SYNJ2: variants seen among roughly 807,000 people sequenced by gnomAD.
SYNJ2 encodes the protein polyphosphatidylinositol phosphatase SYNJ2.
Under a neutral mutation model 141.3 loss-of-function variants are expected in SYNJ2, and 116 were observed. The observed-to-expected ratio is 0.82, with a 90% CI of 0.71 to 0.96. The LOEUF (loss-of-function observed/expected upper bound fraction) is 0.96. Among genes scored for constraint, SYNJ2 ranks in the 40% least tolerant of loss-of-function variants. The pLI, the probability that SYNJ2 is intolerant of heterozygous loss-of-function variation, is 0.00. For missense variants in SYNJ2, 1,873 were observed against 1,934.8 expected (o/e 0.97, Z 0.60); for synonymous variants, 745 against 777.7 (o/e 0.96, Z 0.70).
intron 4 of SYNJ2, among the ~76,000 whole-genome samples, chr6:158,041,385 A>G (rs1053067488): frequency 7.2e-5 from 11 of 152,378 alleles, no homozygotes; most frequent in Admixed American, 1.3e-4. Context: ...ATGGAAATGT[A>G]TCACTTGCAT....
At chr6:158,064,467 C>T (rs1488215643) in intron 9 of SYNJ2, 134 bp from the exon 10 acceptor site, 6 of 1,128,258 alleles carry the variant, frequency 5.3e-6, no homozygotes, top group Non-Finnish European at 7.7e-6. Context: ...GGGAACTCCT[C>T]ATCCTCTGGA....
chr6:158,083,727 A>C, intron 21 of SYNJ2, 130 bp downstream of exon 21: 1 of 1,227,110 alleles, frequency 8.1e-7, no homozygotes, highest in South Asian at 1.4e-5. Flanking sequence ...CCTCTGTCCC[A>C]TGTGATGAGC....
intron 18 of SYNJ2, among the ~76,000 whole-genome samples, chr6:158,079,521 C>T (rs1446911223): frequency 2.0e-5 from 3 of 151,908 alleles, no homozygotes; most frequent in East Asian, 1.9e-4. Flanking sequence ...TACAGGCGTG[C>T]ATCACCATGC....
chr6:158,034,630 A>G (rs1463829889), intron 4 of SYNJ2, among the ~76,000 whole-genome samples: 1 of 152,260 alleles, frequency 6.6e-6, no homozygotes, highest in African/African-American at 2.4e-5. Flanking sequence ...GATGGGCAAC[A>G]GCTGCAATTA....
chr6:158,093,390 C>T (rs1017912987), intron 26 of SYNJ2, among the ~76,000 whole-genome samples: 2 of 150,234 alleles, frequency 1.3e-5, no homozygotes, highest in African/African-American at 4.9e-5. Context: ...GAGCCGAAAT[C>T]GTGCCACTGC....
intron 5 of SYNJ2, among the ~76,000 whole-genome samples, chr6:158,048,048 G>A (rs1201682178): frequency 1.3e-5 from 2 of 152,130 alleles, no homozygotes; most frequent in African/African-American, 4.8e-5. Context: ...TAGACTCATC[G>A]TAAATCAGTA....
At chr6:158,029,256 A>G (rs911944358) in intron 3 of SYNJ2, 1 of 494,698 alleles carries the variant, frequency 2.0e-6, no homozygotes, top group African/African-American at 1.9e-5. Context: ...TAGATTTGGA[A>G]AAGAAACCTG....
At position 158,084,683 on chromosome 6, in the gene SYNJ2, A is replaced by T. The variant is rs1236619099; in HGVS notation, c.3208+509A>T. Among the ~76,000 whole-genome samples the T allele has an allele frequency of 6.6e-6, 1 of 152,014 alleles. No individual in the cohort carries two copies. ...AAATTAGCAGGGCATGGTGGTGCAC[A>T]TGCCTGTAATCCCAGCTACTCAGGC... On this transcript the variant is annotated intron_variant, in intron 22 of 26. Coordinates refer to ENST00000355585, the MANE Select transcript of SYNJ2 (RefSeq NM_003898.4). The surrounding 1 kb of genome is among the most constrained non-coding windows in gnomAD (Gnocchi z 5.0).
At chr6:158,034,875 G>A (rs1452329933) in intron 4 of SYNJ2, among the ~76,000 whole-genome samples, 1 of 152,128 alleles carries the variant, frequency 6.6e-6, no homozygotes, top group Non-Finnish European at 1.5e-5. Flanking sequence ...TAAGGAAGGG[G>A]TCCAGTTTCA....
chr6:158,036,873 G>A (rs990817607), intron 4 of SYNJ2, among the ~76,000 whole-genome samples: 1 of 152,142 alleles, frequency 6.6e-6, no homozygotes. Context: ...TGTCTGCATG[G>A]GGAGAGTCCC....
chr6:158,090,733 T>C (rs932143728), intron 25 of SYNJ2, among the ~76,000 whole-genome samples: 1 of 151,744 alleles, frequency 6.6e-6, no homozygotes, highest in Non-Finnish European at 1.5e-5. Flanking sequence ...TCAGTAGAAA[T>C]GTGATTTCAC....
intron 3 of SYNJ2, among the ~76,000 whole-genome samples, chr6:158,029,788 T>C (rs778392222): frequency 2.7e-4 from 41 of 152,232 alleles, no homozygotes; most frequent in Non-Finnish European, 5.3e-4. Context: ...TCTCTGCTGG[T>C]AATAACTCAT....
chr6:158,092,866 G>T, intron 25 of SYNJ2, 60 bp from the exon 26 acceptor site: 1 of 1,471,646 alleles, frequency 6.8e-7, no homozygotes, highest in Non-Finnish European at 9.1e-7. Flanking sequence ...GTCTAAGGAC[G>T]AAATCATGCA....
At chr6:158,074,089 G>A (rs1782115426) in intron 15 of SYNJ2, among the ~76,000 whole-genome samples, 1 of 152,036 alleles carries the variant, frequency 6.6e-6, no homozygotes, top group Admixed American at 6.5e-5. Flanking sequence ...TGGGCTCCTA[G>A]GACTGGGCAG....
At chr6:158,003,427 A>T (rs1330695710) in intron 1 of SYNJ2, among the ~76,000 whole-genome samples, 1 of 152,216 alleles carries the variant, frequency 6.6e-6, no homozygotes, top group African/African-American at 2.4e-5. Context: ...TCCAAAACTG[A>T]TAACTCTGGA....
intron 1 of SYNJ2, among the ~76,000 whole-genome samples, chr6:157,983,776 C>G (rs139315185): frequency 1.3e-5 from 2 of 151,916 alleles, no homozygotes; most frequent in Admixed American, 1.3e-4. Context: ...CATGTGCAGT[C>G]CACATTTGTC....
In SYNJ2 at chr6:158,084,907, AATATC is replaced by A. The variant is rs879846322; in HGVS notation, c.3208+738_3208+742del. Among the ~76,000 whole-genome samples, 6 of 151,912 alleles carry A rather than the reference AATATC, an allele frequency of 3.9e-5. No individual in the cohort carries two copies. The highest frequency in any genetic ancestry group is 5.9e-5 in the Non-Finnish European group (4 of 67,996). ...TGCTGGCGTATGGTCACACTCATAT[AATATC>A]ATATTATTATACAGTCATGTCATAC... On this transcript the variant is annotated intron_variant, in intron 22 of 26. Transcript: ENST00000355585. The surrounding 1 kb of genome is among the most constrained non-coding windows in gnomAD (Gnocchi z 5.0).
At chr6:158,018,014 G>A (rs1041378946) in intron 2 of SYNJ2, among the ~76,000 whole-genome samples, 1 of 152,238 alleles carries the variant, frequency 6.6e-6, no homozygotes, top group Non-Finnish European at 1.5e-5. Flanking sequence ...GCAGATGCCC[G>A]GGGGCACAGG....
In SYNJ2 at chr6:158,040,863, C is replaced by T. The variant is rs748084597; in HGVS notation, c.712-2453C>T. ...GCCTGGCCTCATCACAGCACTGGCA[C>T]GGGCCTCCGACTTTTCTTCCCGTGG... On this transcript the variant is annotated intron_variant, in intron 4 of 26. Coordinates refer to ENST00000355585, the MANE Select transcript of SYNJ2 (RefSeq NM_003898.4). The surrounding 1 kb of genome is among the most constrained non-coding windows in gnomAD (Gnocchi z 4.2). Among the ~76,000 whole-genome samples, 2 of 152,170 alleles carry T rather than the reference C, an allele frequency of 1.3e-5. No homozygotes were observed. The highest frequency in any genetic ancestry group is 2.4e-5 in the African/African-American group (1 of 41,440).
Sources: gnomAD v4.1 joint callset for allele counts (sites outside exome capture counted in the v4.1 genomes callset) on GRCh38, gnomAD v4.1.1 for gene constraint, Gnocchi (gnomAD v3.1) non-coding constraint, MANE v1.5 for transcripts, NCBI Gene and HGNC (gene_info 2026-07-23, HGNC 2026-07-21) for gene names.